Variants in ZNF517 observed in about 807,000 individuals in gnomAD.
ZNF517 encodes the protein zinc finger protein 517.
Under a neutral mutation model 12.1 loss-of-function variants are expected in ZNF517, and 12 were observed. That is an observed-to-expected ratio of 0.99 (90% confidence interval 0.63 to 1.61). The LOEUF (loss-of-function observed/expected upper bound fraction) is 1.61. Ranked by LOEUF, ZNF517 falls within the 40% of genes most tolerant of loss-of-function variation. The pLI is 0.00. For missense variants in ZNF517, 781 were observed against 693.2 expected (o/e 1.13, Z -1.42); for synonymous variants, 388 against 310.2 (o/e 1.25, Z -2.63).
chr8:144,806,252 G>T (rs1440468407), intron 4 of ZNF517, among the ~76,000 whole-genome samples: 1 of 152,162 alleles, frequency 6.6e-6, no homozygotes, highest in Non-Finnish European at 1.5e-5. Context: ...CTACGCACCT[G>T]CCCAGACATG....
At chr8:144,810,297 G>A (rs1053340069), downstream of ZNF517, 10 of 580,544 alleles carry the variant, frequency 1.7e-5, no homozygotes, top group African/African-American at 1.3e-4. Flanking sequence ...CCTGCCCACT[G>A]GTGTGTCAAA....
In ZNF517 at chr8:144,808,098, G is replaced by A; in HGVS notation, c.1182G>A (p.Lys394=). Residue 394 remains lysine, a synonymous_variant, in exon 5 of 5, where the codon AAG becomes AAA. Coordinates refer to ENST00000359971, the MANE Select transcript of ZNF517 (RefSeq NM_213605.3). ...ACCTGCGCCTACACACGGGCGAGAAGCCGTTCGAGTGCGCGGAGTGCGGCA... is the reference window on the plus strand; with the variant it reads ...ACCTGCGCCTACACACGGGCGAGAAACCGTTCGAGTGCGCGGAGTGCGGCA... The part of the protein sequence containing the change: ...LLHLRLHTGE[K]PFECAECGKA... The A allele has an allele frequency of 6.2e-7, 1 of 1,612,072 alleles. No homozygotes were observed. Among genetic ancestry groups the A allele is most frequent in the Non-Finnish European group, 8.5e-7 (1 of 1,179,504 alleles).
At chr8:144,805,654 C>T (rs1287618559) in intron 4 of ZNF517, among the ~76,000 whole-genome samples, 1 of 136,752 alleles carries the variant, frequency 7.3e-6, no homozygotes, top group African/African-American at 2.8e-5. Context: ...GAGACGGAGT[C>T]TCGCACTTTG....
In ZNF517 at chr8:144,807,342, G is replaced by T; in HGVS notation, c.426G>T (p.Glu142Asp). The change falls in exon 5 of 5, where the codon GAG becomes GAT. Residue 142 changes from glutamate (E) to aspartate (D), a missense_variant. Glu to Asp is a conservative substitution (Grantham distance 45, BLOSUM62 2). Coordinates refer to ENST00000359971, the MANE Select transcript of ZNF517 (RefSeq NM_213605.3). ...CACCCCACCCGCATGGCGGTCCTGAGGACGGGTCAGATAAACCCACCCACC... is the reference window on the plus strand; with the variant it reads ...CACCCCACCCGCATGGCGGTCCTGATGACGGGTCAGATAAACCCACCCACC... ...PAPPHPHGGP[E>D]DGSDKPTHPR... is the part of the protein sequence containing the mutation. 2 of 1,554,106 alleles carry T rather than the reference G, an allele frequency of 1.3e-6. No homozygotes were observed. Among genetic ancestry groups the T allele is most frequent in the African/African-American group, 2.7e-5 (2 of 73,390 alleles).
chr8:144,806,317 A>G (rs2955221), intron 4 of ZNF517, among the ~76,000 whole-genome samples: 11,919 of 152,134 alleles, frequency 0.078, 1,050 homozygotes, highest in African/African-American at 0.21. Context: ...AGTAAAGAAC[A>G]TGGCTGTGGG....
chr8:144,807,604 G>A lies in ZNF517; in HGVS notation c.688G>A (p.Glu230Lys), dbSNP rs1309248375. ...LLRHQLIHTE[E>K]KPFQCGECGK... is the part of the protein sequence containing the mutation. Reference sequence around the variant, plus strand: ...GCGGCACCAGCTGATCCACACTGAGGAGAAGCCGTTCCAGTGCGGCGAGTG... The same window carrying A: ...GCGGCACCAGCTGATCCACACTGAGAAGAAGCCGTTCCAGTGCGGCGAGTG... The change falls in exon 5 of 5, where the codon GAG (glutamate) becomes AAG (lysine). Residue 230 changes from glutamate (E) to lysine (K), a missense_variant. Coordinates refer to ENST00000359971, the MANE Select transcript of ZNF517 (RefSeq NM_213605.3). 1.0e-5 allele frequency: 16 copies of A among 1,607,838 alleles called. No homozygotes were observed. The highest frequency in any genetic ancestry group is 1.2e-5 in the Non-Finnish European group (14 of 1,177,846).
downstream of ZNF517, chr8:144,811,050 G>A (rs1397922585): frequency 1.3e-5 from 2 of 152,296 alleles, no homozygotes; most frequent in African/African-American, 2.4e-5. Flanking sequence ...CTTGCGCAGG[G>A]GCGTTGCCGG....
intron 1 of ZNF517, chr8:144,802,638 T>C (rs1827023803): frequency 2.3e-6 from 1 of 431,664 alleles, no homozygotes; most frequent in Non-Finnish European, 3.1e-6. Flanking sequence ...GTTTAAAAAA[T>C]GGTGGTCACA....
At chr8:144,802,760 C>G in intron 1 of ZNF517, 110 bp from the exon 2 acceptor site, 1 of 1,515,452 alleles carries the variant, frequency 6.6e-7, no homozygotes, top group East Asian at 2.3e-5. Context: ...GATGTGATTG[C>G]CCTAGCACTT....
chr8:144,808,209 G>A lies in ZNF517; in HGVS notation c.1293G>A (p.Lys431=), dbSNP rs765430959. 6.2e-7 allele frequency: 1 copy of A among 1,608,124 alleles called. No individual in the cohort carries two copies. Among genetic ancestry groups the A allele is most frequent in the African/African-American group, 1.3e-5 (1 of 74,832 alleles). Residue 431 remains lysine, a synonymous_variant, in exon 5 of 5, where the codon AAG becomes AAA. Transcript: ENST00000359971. ...CCTTCGCGTGCACCGAGTGCGGCAA[G>A]GCGTTCCGCAGGAGCTACACGCTGA... ...EKPFACTECG[K]AFRRSYTLNE...
At chr8:144,799,679 G>T (rs1344381077) in intron 1 of ZNF517, among the ~76,000 whole-genome samples, 2 of 152,190 alleles carry the variant, frequency 1.3e-5, no homozygotes, top group Non-Finnish European at 2.9e-5. Flanking sequence ...AATGGCTCAC[G>T]CCTGTAATCC....
In ZNF517 at chr8:144,807,536, GCA is replaced by G. The variant is rs760972360; in HGVS notation, c.623_624del (p.Thr208ArgfsTer21). ...CACACCGGCGCCAAGCCCTTCCAGT[GCA>G]CAGAGTGCGGGAAGGCCTTCAAGCA... On this transcript the variant is annotated frameshift_variant, in exon 5 of 5. Transcript: ENST00000359971. LOFTEE classifies it low-confidence loss of function (END_TRUNC). 3.2e-5 allele frequency: 51 copies of G among 1,596,614 alleles called. No individual in the cohort carries two copies. Among genetic ancestry groups the G allele is most frequent in the Middle Eastern group, 1.6e-4 (1 of 6,064 alleles).
intron 4 of ZNF517, among the ~76,000 whole-genome samples, chr8:144,805,439 T>C (rs1308089167): frequency 6.6e-6 from 1 of 152,076 alleles, no homozygotes; most frequent in African/African-American, 2.4e-5. Flanking sequence ...CACGCCATTC[T>C]CCTGCCTCAG....
intron 4 of ZNF517, among the ~76,000 whole-genome samples, chr8:144,806,242 C>A (rs1372516539): frequency 6.6e-6 from 1 of 152,128 alleles, no homozygotes; most frequent in Admixed American, 6.5e-5. Context: ...GGCACCTGCT[C>A]TACGCACCTG....
In ZNF517 at chr8:144,808,074, C is replaced by T. The variant is rs763842257; in HGVS notation, c.1158C>T (p.His386=). 4 of 1,610,272 alleles carry T rather than the reference C, an allele frequency of 2.5e-6. No homozygotes were observed. Among genetic ancestry groups the T allele is most frequent in the Admixed American group, 1.7e-5 (1 of 59,734 alleles). The change falls in exon 5 of 5, where the codon CAC becomes CAT. Residue 386 remains histidine (H), a synonymous_variant. Transcript: ENST00000359971. ...GACACAACTCCCTGCTGCTGCTGCA[C>T]CTGCGCCTACACACGGGCGAGAAGC... The part of the protein sequence containing the change: ...PFRHNSLLLL[H]LRLHTGEKPF...
At position 144,807,438 on chromosome 8, in the gene ZNF517, A is replaced by T; in HGVS notation, c.522A>T (p.Ser174=). 1 of 1,572,286 alleles carries T rather than the reference A, an allele frequency of 6.4e-7. No homozygotes were observed. Among genetic ancestry groups the T allele is most frequent in the Non-Finnish European group, 8.6e-7 (1 of 1,159,450 alleles). The change falls in exon 5 of 5, where the codon TCA becomes TCT. Residue 174 remains serine (S), a synonymous_variant. Coordinates refer to ENST00000359971, the MANE Select transcript of ZNF517 (RefSeq NM_213605.3). The part of the protein sequence containing the change: ...QEDLGRPVGS[S]APRYRCVCGK... ...ACCTGGGCCGGCCTGTGGGGAGCTC[A>T]GCCCCCCGCTACAGGTGCGTGTGCG...
In ZNF517 at chr8:144,807,315, A is replaced by T; in HGVS notation, c.399A>T (p.Ala133=). ...GGCACCCTGTGGGGGGGCACCCTGC[A>T]CCACCCCACCCGCATGGCGGTCCTG... ...PWGHPVGGHP[A]PPHPHGGPED... Residue 133 remains alanine (A), a synonymous_variant, in exon 5 of 5, where the codon GCA becomes GCT. Transcript: ENST00000359971. The T allele has an allele frequency of 6.4e-7, 1 of 1,552,916 alleles. No individual in the cohort carries two copies. The highest frequency in any genetic ancestry group is 8.7e-7 in the Non-Finnish European group (1 of 1,148,248).
At chr8:144,805,936 A>T (rs975132241) in intron 4 of ZNF517, among the ~76,000 whole-genome samples, 1 of 152,210 alleles carries the variant, frequency 6.6e-6, no homozygotes, top group Non-Finnish European at 1.5e-5. Context: ...AGATTATTAT[A>T]ATATTAGAAT....
chr8:144,803,811 G>C (rs1586761782), intron 3 of ZNF517, 44 bp downstream of exon 3: 2 of 1,595,362 alleles, frequency 1.3e-6, no homozygotes, highest in Non-Finnish European at 1.7e-6. Context: ...AGGTGCGTCT[G>C]TGTTAGCTTC....
Sources: gnomAD v4.1 joint callset for allele counts (sites outside exome capture counted in the v4.1 genomes callset) on GRCh38, gnomAD v4.1.1 for gene constraint, MANE v1.5 for transcripts, NCBI Gene and HGNC (gene_info 2026-07-23, HGNC 2026-07-21) for gene names.